The following GRM5 variants were observed in gnomAD, a reference collection of about 807,000 sequenced individuals.
GRM5 encodes glutamate metabotropic receptor 5.
Under a neutral mutation model 83.1 loss-of-function variants are expected in GRM5, and 19 were observed. The ratio of observed to expected loss-of-function variants is 0.23; its 90% confidence interval spans 0.16 to 0.34. The LOEUF (loss-of-function observed/expected upper bound fraction) is 0.34. GRM5 is among the 10% of genes least tolerant of loss of function. The probability of loss-of-function intolerance (pLI) is 1.00; values close to 1 mark genes in which losing one functional copy is unlikely to be tolerated. For missense variants in GRM5, 1,160 were observed against 1,588.3 expected, an observed-to-expected ratio of 0.73 and a Z score of 4.58; for synonymous variants, 675 against 633.6, an observed-to-expected ratio of 1.07 and a Z score of -0.98.
Position 88,940,072 on chromosome 11 carries a change from C to T in GRM5, c.662-89917G>A, listed in dbSNP as rs1244571932. Among the ~76,000 whole-genome samples, 6 of 152,008 alleles carry T rather than the reference C, an allele frequency of 3.9e-5. No homozygotes were observed. The East Asian group carries it at 9.7e-4, about 25-fold the overall frequency. On this transcript the variant is annotated intron_variant, in intron 2 of 9. Transcript: ENST00000305447. The stretch of plus-strand genomic sequence containing the variant: ...TGAAGCTTACTGATTTCTCTCACAC[C>T]TTAGTGGCCTAGTTTTAAACGTCAG...
intron 2 of GRM5, among the ~76,000 whole-genome samples, chr11:88,857,649 G>A (rs1944498367): frequency 6.6e-6 from 1 of 152,058 alleles, no homozygotes; most frequent in African/African-American, 2.4e-5. Context: ...TGCAATGGAT[G>A]TGGCATTCTA....
At chr11:88,600,181 C>T (rs1406157737) in intron 5 of GRM5, among the ~76,000 whole-genome samples, 1 of 151,338 alleles carries the variant, frequency 6.6e-6, no homozygotes, top group African/African-American at 2.4e-5. Context: ...TTCTCCTTCC[C>T]ATCTCCTTCC....
At chr11:88,806,742 G>T (rs939574988) in intron 3 of GRM5, among the ~76,000 whole-genome samples, 2 of 151,972 alleles carry the variant, frequency 1.3e-5, no homozygotes, top group Non-Finnish European at 2.9e-5. Flanking sequence ...GAATCATGTG[G>T]GCATACAGTA....
At chr11:88,919,310 T>A (rs1945650256) in intron 2 of GRM5, among the ~76,000 whole-genome samples, 1 of 128,502 alleles carries the variant, frequency 7.8e-6, no homozygotes, top group South Asian at 2.7e-4. Flanking sequence ...AAGAAAGTCA[T>A]TATATATTGA....
At chr11:88,770,794 C>T (rs1447770343) in intron 3 of GRM5, among the ~76,000 whole-genome samples, 1 of 152,028 alleles carries the variant, frequency 6.6e-6, no homozygotes. Flanking sequence ...TTTTATGACA[C>T]ATGTATTACT....
intron 2 of GRM5, among the ~76,000 whole-genome samples, chr11:88,972,169 G>A (rs190933558): frequency 9.9e-5 from 15 of 152,096 alleles, no homozygotes; most frequent in Admixed American, 1.3e-4. Flanking sequence ...AGAAACATTC[G>A]AACCGTAATA....
intron 2 of GRM5, among the ~76,000 whole-genome samples, chr11:88,889,527 A>G (rs1945103400): frequency 6.6e-6 from 1 of 152,156 alleles, no homozygotes; most frequent in Non-Finnish European, 1.5e-5. Flanking sequence ...ACTTTTTGTA[A>G]AGTTCAGAAG....
intron 2 of GRM5, among the ~76,000 whole-genome samples, chr11:88,929,029 C>T (rs1345137161): frequency 6.6e-6 from 1 of 151,860 alleles, no homozygotes; most frequent in Non-Finnish European, 1.5e-5. Context: ...ATTGCTCTTT[C>T]TCTCACCAAA....
At chr11:88,829,666 C>T (rs1281686804) in intron 3 of GRM5, among the ~76,000 whole-genome samples, 1 of 151,864 alleles carries the variant, frequency 6.6e-6, no homozygotes, top group Non-Finnish European at 1.5e-5. Context: ...GCAGGCACAT[C>T]TGATCATCTA....
chr11:88,584,464 T>G (rs958919237), intron 7 of GRM5, among the ~76,000 whole-genome samples: 1 of 152,140 alleles, frequency 6.6e-6, no homozygotes, highest in Non-Finnish European at 1.5e-5. Context: ...GATGGAGTCT[T>G]GCTCTGTCAC....
chr11:88,969,479 A>G (rs1164123896), intron 2 of GRM5, among the ~76,000 whole-genome samples: 2 of 152,122 alleles, frequency 1.3e-5, no homozygotes, highest in African/African-American at 4.8e-5. Context: ...TCTTTACTGA[A>G]ACCAATCAGT....
chr11:88,624,068 G>C (rs929022028), intron 4 of GRM5, among the ~76,000 whole-genome samples: 1 of 152,132 alleles, frequency 6.6e-6, no homozygotes, highest in African/African-American at 2.4e-5. Context: ...ATAATAATTA[G>C]TGGCTTGGCT....
intron 3 of GRM5, among the ~76,000 whole-genome samples, chr11:88,667,684 G>A (rs1009613560): frequency 6.6e-6 from 1 of 152,048 alleles, no homozygotes; most frequent in African/African-American, 2.4e-5. Flanking sequence ...ACAAGGTCAG[G>A]AGTTCAAGAC....
Position 88,563,804 on chromosome 11 carries a change from C to A in GRM5, c.2630+3249G>T, listed in dbSNP as rs780779960. Reference sequence around the variant, plus strand: ...ATTAGTTAAGCTGAAGTGCGGTGAACCATGTGTTATACACTGGCTTTTCAT... The same window carrying A: ...ATTAGTTAAGCTGAAGTGCGGTGAAACATGTGTTATACACTGGCTTTTCAT... On this transcript the variant is annotated intron_variant, in intron 8 of 9. Coordinates refer to ENST00000305447, the MANE Select transcript of GRM5 (RefSeq NM_001143831.3). 6.6e-5 allele frequency among the ~76,000 whole-genome samples: 10 copies of A among 152,188 alleles called. 1 individual carries two copies. The highest frequency in any genetic ancestry group is 2.2e-4 in the African/African-American group (9 of 41,456).
rs557453664 is a variant in GRM5, at chr11:88,970,773, G to A, written c.661+76439C>T. On this transcript the variant is annotated intron_variant, in intron 2 of 9. Transcript: ENST00000305447. ...CTTTTTGAAAGTTCAGCTTTCAGGT[G>A]TTGTACACAATATGTAGGCAGTGGG... Among the ~76,000 whole-genome samples, 6 of 152,286 alleles carry A rather than the reference G, an allele frequency of 3.9e-5. No individual in the cohort carries two copies. In the East Asian group the frequency reaches 1.2e-3, roughly 29 times the overall value.
intron 2 of GRM5, among the ~76,000 whole-genome samples, chr11:89,017,390 T>G (rs1323972512): frequency 6.6e-6 from 1 of 152,186 alleles, no homozygotes; most frequent in African/African-American, 2.4e-5. Flanking sequence ...AAACAAGGCA[T>G]AGCATAATGT....
chr11:88,684,812 T>A (rs1473531934), intron 3 of GRM5, among the ~76,000 whole-genome samples: 2 of 152,212 alleles, frequency 1.3e-5, no homozygotes, highest in Non-Finnish European at 2.9e-5. Flanking sequence ...TCTGCCTCAT[T>A]TTTTTCTTGT....
rs201844507 is a variant in GRM5, at chr11:88,508,991, C to G, written c.3240G>C (p.Leu1080=). 4 of 1,580,408 alleles carry G rather than the reference C, an allele frequency of 2.5e-6. No individual in the cohort carries two copies. The highest frequency in any genetic ancestry group is 2.6e-6 in the Non-Finnish European group (3 of 1,162,818). ...CGCCGGGGCTGGGGGCCGCGGTGGACAGCATCATGGAGTTGAGCTCGCTGA... is the reference window on the plus strand; with the variant it reads ...CGCCGGGGCTGGGGGCCGCGGTGGAGAGCATCATGGAGTTGAGCTCGCTGA... ...ANISELNSMM[L]STAAPSPGVG... The change falls in exon 10 of 10, where the codon CTG becomes CTC. Residue 1080 remains leucine, a synonymous_variant. Coordinates refer to ENST00000305447, the MANE Select transcript of GRM5 (RefSeq NM_001143831.3). This position sits in a 1 kb window ranked among gnomAD's most constrained non-coding sequence, Gnocchi z 4.2.
intron 9 of GRM5, among the ~76,000 whole-genome samples, chr11:88,520,976 C>T (rs1941668577): frequency 6.6e-6 from 1 of 151,952 alleles, no homozygotes; most frequent in South Asian, 2.1e-4. Flanking sequence ...CAAAAATAAC[C>T]CCATCCCACC....
Sources: allele counts gnomAD v4.1 joint callset (sites outside exome capture counted in the v4.1 genomes callset), GRCh38; gene constraint gnomAD v4.1.1; non-coding constraint Gnocchi (gnomAD v3.1); transcripts MANE v1.5; gene names NCBI Gene and HGNC (gene_info 2026-07-23, HGNC 2026-07-21).